EIPR1: variants seen among roughly 807,000 people sequenced by gnomAD.
EIPR1 encodes EARP and GARP complex-interacting protein 1.
Under a neutral mutation model 48.1 loss-of-function variants are expected in EIPR1, and 25 were observed. The ratio of observed to expected loss-of-function variants is 0.52; its 90% CI spans 0.38 to 0.73. EIPR1 has a LOEUF of 0.73. EIPR1 is among the 30% of genes least tolerant of loss of function. The pLI is 0.00. For synonymous variants in EIPR1, 204 were observed against 201.9 expected (o/e 1.01, Z -0.09); for missense variants, 415 against 506.2 (o/e 0.82, Z 1.73).
chr2:3,238,070 C>T (rs1666473495), intron 4 of EIPR1, among the ~76,000 whole-genome samples: 1 of 152,178 alleles, frequency 6.6e-6, no homozygotes, highest in South Asian at 2.1e-4. Context: ...ACCGTAAAAG[C>T]TTCTTGAAAA....
At chr2:3,282,016 G>A (rs766651249) in intron 3 of EIPR1, among the ~76,000 whole-genome samples, 7 of 152,238 alleles carry the variant, frequency 4.6e-5, no homozygotes, top group Non-Finnish European at 7.3e-5. Context: ...GGGGCACTGC[G>A]TACGTGGAAA....
chr2:3,319,412 A>G (rs1669421433), intron 3 of EIPR1: 1 of 178,840 alleles, frequency 5.6e-6, no homozygotes, highest in African/African-American at 2.4e-5. Flanking sequence ...GCACATGAGC[A>G]CTCGATGGGA....
chr2:3,311,797 C>T (rs372134928), intron 3 of EIPR1, among the ~76,000 whole-genome samples: 157 of 44,266 alleles, frequency 3.5e-3, no homozygotes, highest in African/African-American at 0.012. Context: ...GCTCCATTCG[C>T]GGGGTGCTGG....
chr2:3,362,851 T>C (rs1670883472), intron 1 of EIPR1, among the ~76,000 whole-genome samples: 1 of 152,134 alleles, frequency 6.6e-6, no homozygotes. Flanking sequence ...ACCACATGCA[T>C]GCCCTGGAAG....
rs114338946 is a variant in EIPR1, at chr2:3,202,459, A to T, written c.517-5442T>A. Among the ~76,000 whole-genome samples the T allele has an allele frequency of 8.2e-3, 1,254 of 152,380 alleles. 15 individuals are homozygous for T. Among genetic ancestry groups the T allele is most frequent in the African/African-American group, 0.029 (1,216 of 41,596 alleles). On this transcript the variant is annotated intron_variant, in intron 5 of 8. Coordinates refer to ENST00000382125, the MANE Select transcript of EIPR1 (RefSeq NM_003310.5). ...AATGAAAAGGCTGGATATTGTTTCTAACTAATCGATACTGTGTTCCAGTTA... is the reference window on the plus strand; with the variant it reads ...AATGAAAAGGCTGGATATTGTTTCTTACTAATCGATACTGTGTTCCAGTTA...
At chr2:3,314,070 G>A (rs138905603) in intron 3 of EIPR1, among the ~76,000 whole-genome samples, 13 of 152,278 alleles carry the variant, frequency 8.5e-5, no homozygotes, top group Non-Finnish European at 1.3e-4. Context: ...GAGCAACATC[G>A]GCGGATGCAG....
chr2:3,296,595 C>A (rs1668607600), intron 3 of EIPR1, among the ~76,000 whole-genome samples: 1 of 150,000 alleles, frequency 6.7e-6, no homozygotes, highest in Non-Finnish European at 1.5e-5. Flanking sequence ...CCTCTCTACA[C>A]ATACACCCTC....
intron 1 of EIPR1, among the ~76,000 whole-genome samples, chr2:3,369,866 C>T (rs530012609): frequency 7.0e-4 from 106 of 152,292 alleles, no homozygotes; most frequent in African/African-American, 2.5e-3. Context: ...CCCTGTCTGA[C>T]AGCTTTGAAG....
chr2:3,211,445 C>A (rs1366713463), intron 5 of EIPR1, among the ~76,000 whole-genome samples: 1 of 152,162 alleles, frequency 6.6e-6, no homozygotes, highest in Non-Finnish European at 1.5e-5. Flanking sequence ...TCGGCTTCTG[C>A]CCACTGCTCT....
chr2:3,239,021 T>G (rs569186679), intron 4 of EIPR1, among the ~76,000 whole-genome samples: 1 of 152,194 alleles, frequency 6.6e-6, no homozygotes, highest in South Asian at 2.1e-4. Context: ...GAGAGCATGT[T>G]GAAGGAAAAA....
intron 5 of EIPR1, chr2:3,208,256 A>T (rs186436080): frequency 4.6e-6 from 2 of 434,366 alleles, no homozygotes; most frequent in Non-Finnish European, 8.1e-6. Flanking sequence ...ATCATTCAAG[A>T]TACTCAAATA....
At chr2:3,285,280 G>T (rs1360404618) in intron 3 of EIPR1, among the ~76,000 whole-genome samples, 1 of 152,044 alleles carries the variant, frequency 6.6e-6, no homozygotes, top group Non-Finnish European at 1.5e-5. Context: ...CAGGGCTGGG[G>T]TCAGAATGGG....
chr2:3,266,392 G>T (rs1456715748), intron 3 of EIPR1, among the ~76,000 whole-genome samples: 1 of 152,224 alleles, frequency 6.6e-6, no homozygotes, highest in Non-Finnish European at 1.5e-5. Flanking sequence ...GTACGCCTCG[G>T]GGTGCACAAC....
At chr2:3,337,926 A>G in intron 3 of EIPR1, 91 bp downstream of exon 3, 3 of 1,386,244 alleles carry the variant, frequency 2.2e-6, no homozygotes, top group Non-Finnish European at 2.9e-6. Context: ...CTTTTCAGTC[A>G]TGTGTCGACC....
At chr2:3,201,992 A>G (rs555461377) in intron 5 of EIPR1, among the ~76,000 whole-genome samples, 64 of 152,232 alleles carry the variant, frequency 4.2e-4, no homozygotes, top group Admixed American at 2.0e-3. Flanking sequence ...GCTGGAGTGC[A>G]GTGGCGCGAT....
chr2:3,346,506 C>G (rs1323614143), intron 2 of EIPR1, among the ~76,000 whole-genome samples: 1 of 152,222 alleles, frequency 6.6e-6, no homozygotes, highest in Non-Finnish European at 1.5e-5. Flanking sequence ...ACAACCTGCT[C>G]AGCACCAGGC....
At chr2:3,265,190 G>C (rs1314328057) in intron 3 of EIPR1, among the ~76,000 whole-genome samples, 3 of 152,256 alleles carry the variant, frequency 2.0e-5, no homozygotes, top group Non-Finnish European at 4.4e-5. Context: ...CAGAACATTA[G>C]AGGGGTGTGC....
chr2:3,219,030 T>G (rs2103142767), intron 4 of EIPR1, among the ~76,000 whole-genome samples: 1 of 151,382 alleles, frequency 6.6e-6, no homozygotes, highest in African/African-American at 2.4e-5. Flanking sequence ...TGGTATACTC[T>G]AGAGCATTCA....
chr2:3,320,978 A>C (rs994238162), intron 3 of EIPR1, among the ~76,000 whole-genome samples: 2 of 152,230 alleles, frequency 1.3e-5, no homozygotes, highest in African/African-American at 4.8e-5. Flanking sequence ...TTTCATTTCA[A>C]AACATATTTT....
Sources: gnomAD v4.1 joint callset for allele counts (sites outside exome capture counted in the v4.1 genomes callset) on GRCh38, gnomAD v4.1.1 for gene constraint, MANE v1.5 for transcripts, NCBI Gene and HGNC (gene_info 2026-07-23, HGNC 2026-07-21) for gene names.